NEO1: variants seen among roughly 807,000 people sequenced by gnomAD.
NEO1 encodes neogenin 1.
In NEO1, 63 loss-of-function variants were observed where a neutral mutation model predicts 159.7. That is an observed-to-expected ratio of 0.39 (90% CI 0.32 to 0.49). The LOEUF is 0.49. Ranked by LOEUF, NEO1 falls within the 20% of genes least tolerant of loss-of-function variation. The pLI, the probability that NEO1 is intolerant of heterozygous loss-of-function variation, is 0.85. For missense variants in NEO1, 1,615 were observed against 1,831.0 expected, an observed-to-expected ratio of 0.88 and a Z score of 2.15; for synonymous variants, 633 against 662.0, an observed-to-expected ratio of 0.96 and a Z score of 0.67.
intron 1 of NEO1, among the ~76,000 whole-genome samples, chr15:73,100,012 G>A (rs1043316015): frequency 4.6e-5 from 7 of 151,880 alleles, no homozygotes; most frequent in Admixed American, 1.3e-4. Flanking sequence ...GTTATTTTAC[G>A]TCTTCCTCTC....
In NEO1 at chr15:73,302,810, G is replaced by A. The variant is rs2042672746; in HGVS notation, c.*114G>A. ...GACAGCACTTGAGAACACAGAATGA[G>A]CCAGCAGACTGGCCAGCGCCTCTGT... is the stretch of plus-strand genomic sequence containing the variant. On this transcript the variant is annotated 3_prime_UTR_variant, in exon 29 of 29. Coordinates refer to ENST00000261908, the MANE Select transcript of NEO1 (RefSeq NM_002499.4). 2 of 962,744 alleles carry A rather than the reference G, an allele frequency of 2.1e-6. No individual in the cohort carries two copies. Among genetic ancestry groups the A allele is most frequent in the Non-Finnish European group, 3.2e-6 (2 of 626,594 alleles). 59.6% of individuals were successfully genotyped at this position (962,744 alleles called of 1,614,324 possible).
At chr15:73,120,487 C>T (rs1216400291) in intron 2 of NEO1, among the ~76,000 whole-genome samples, 1 of 151,538 alleles carries the variant, frequency 6.6e-6, no homozygotes, top group Non-Finnish European at 1.5e-5. Flanking sequence ...ACTAGAAAAC[C>T]TGTAATCATT....
chr15:73,294,659 C>T (rs571368387), intron 26 of NEO1, among the ~76,000 whole-genome samples: 2 of 152,188 alleles, frequency 1.3e-5, no homozygotes, highest in East Asian at 3.9e-4. Context: ...CCTGCCTCAG[C>T]CTCCCAAGTA....
chr15:73,277,589 A>G (rs2041477453), intron 21 of NEO1, among the ~76,000 whole-genome samples: 1 of 152,118 alleles, frequency 6.6e-6, no homozygotes, highest in African/African-American at 2.4e-5. Context: ...TTGAACTTCC[A>G]TTTACCTTCC....
intron 5 of NEO1, among the ~76,000 whole-genome samples, chr15:73,166,336 G>C (rs1275562518): frequency 6.6e-6 from 1 of 152,188 alleles, no homozygotes. Context: ...TGAACTAACA[G>C]TTCCTCTTCT....
At chr15:73,126,316 C>T (rs923180392) in intron 3 of NEO1, 101 bp from the exon 4 acceptor site, 3 of 1,100,404 alleles carry the variant, frequency 2.7e-6, no homozygotes, top group East Asian at 4.8e-5. Context: ...GCAGTCCTCC[C>T]TCCTCGGCCT....
chr15:73,276,536 G>A (rs890667784), intron 21 of NEO1, among the ~76,000 whole-genome samples: 1 of 152,202 alleles, frequency 6.6e-6, no homozygotes, highest in Non-Finnish European at 1.5e-5. Flanking sequence ...AGGAGATAAA[G>A]TAATATGTGT....
chr15:73,254,587 T>C, intron 12 of NEO1, 95 bp from the exon 13 acceptor site: 1 of 1,328,118 alleles, frequency 7.5e-7, no homozygotes, highest in East Asian at 2.4e-5. Context: ...TCTATGTTTT[T>C]TCTCTTTAAA....
At chr15:73,274,858 C>G in intron 21 of NEO1, 134 bp downstream of exon 21, 1 of 825,766 alleles carries the variant, frequency 1.2e-6, no homozygotes, top group Non-Finnish European at 1.9e-6. Flanking sequence ...AGTTATTGGC[C>G]AAAGTAGAGT....
At chr15:73,220,077 A>G (rs1434959270) in intron 7 of NEO1, among the ~76,000 whole-genome samples, 1 of 151,816 alleles carries the variant, frequency 6.6e-6, no homozygotes, top group East Asian at 1.9e-4. Context: ...GTTCCTTTCC[A>G]TGTTTAGTGC....
At chr15:73,072,141 G>T (rs886919666) in intron 1 of NEO1, among the ~76,000 whole-genome samples, 3 of 152,092 alleles carry the variant, frequency 2.0e-5, no homozygotes, top group Admixed American at 1.3e-4. Flanking sequence ...AGTAGAGACA[G>T]GGTTTCACCA....
At chr15:73,130,574 G>C (rs2030980919) in intron 4 of NEO1, among the ~76,000 whole-genome samples, 1 of 152,174 alleles carries the variant, frequency 6.6e-6, no homozygotes, top group South Asian at 2.1e-4. Flanking sequence ...CAAAGACCAT[G>C]CCAGGAGCCT....
Position 73,174,885 on chromosome 15 carries a change from G to C in NEO1, c.1016-1518G>C, listed in dbSNP as rs780020350. On this transcript the variant is annotated intron_variant, in intron 5 of 28. Coordinates refer to ENST00000261908, the MANE Select transcript of NEO1 (RefSeq NM_002499.4). ...TAATAGATTTCCCTGATTTCATCTTGTTGTACAGATTTATGTTTTCTGGAT... is the reference window on the plus strand; with the variant it reads ...TAATAGATTTCCCTGATTTCATCTTCTTGTACAGATTTATGTTTTCTGGAT... 6.2e-4 allele frequency among the ~76,000 whole-genome samples: 94 copies of C among 152,126 alleles called. 1 individual carries two copies. The highest frequency in any genetic ancestry group is 1.1e-3 in the Non-Finnish European group (73 of 68,008).
At chr15:73,115,198 A>G (rs534078560) in intron 1 of NEO1, among the ~76,000 whole-genome samples, 2 of 152,250 alleles carry the variant, frequency 1.3e-5, no homozygotes, top group Admixed American at 6.5e-5. Flanking sequence ...ATGTGCCACC[A>G]TGCCTGGCTA....
intron 1 of NEO1, among the ~76,000 whole-genome samples, chr15:73,098,116 A>G (rs1270707827): frequency 2.6e-5 from 4 of 152,078 alleles, no homozygotes; most frequent in Non-Finnish European, 4.4e-5. Flanking sequence ...CAGAATAACA[A>G]TACTAATGCT....
chr15:73,207,508 C>T (rs1470561174), intron 7 of NEO1, among the ~76,000 whole-genome samples: 2 of 152,176 alleles, frequency 1.3e-5, no homozygotes, highest in African/African-American at 2.4e-5. Context: ...CTTTAAATGC[C>T]ACCTCAGCAG....
intron 7 of NEO1, among the ~76,000 whole-genome samples, chr15:73,206,079 T>G (rs2037206214): frequency 6.6e-6 from 1 of 152,032 alleles, no homozygotes; most frequent in South Asian, 2.1e-4. Context: ...GCTAATTTTT[T>G]GTATTTTAGT....
chr15:73,238,917 TGGCTCACTGCA>T (rs972245253), intron 8 of NEO1, among the ~76,000 whole-genome samples: 1 of 152,096 alleles, frequency 6.6e-6, no homozygotes, highest in African/African-American at 2.4e-5. Context: ...GGCACTATAT[TGGCTCACTGCA>T]GCCTCCGCTT....
chr15:73,179,825 G>A (rs947994695), intron 7 of NEO1, among the ~76,000 whole-genome samples: 3 of 151,468 alleles, frequency 2.0e-5, no homozygotes, highest in African/African-American at 7.3e-5. Context: ...TGTGTCAACA[G>A]TTGATCTGCA....
Sources: allele counts gnomAD v4.1 joint callset (sites outside exome capture counted in the v4.1 genomes callset), GRCh38; gene constraint gnomAD v4.1.1; transcripts MANE v1.5; gene names NCBI Gene and HGNC (gene_info 2026-07-23, HGNC 2026-07-21).